The following BIRC6 variants were observed in gnomAD, a reference collection of about 807,000 sequenced individuals.
BIRC6 encodes the protein dual E2 ubiquitin-conjugating enzyme/E3 ubiquitin-protein ligase BIRC6.
A neutral mutation model predicts 503.3 loss-of-function variants in BIRC6; 98 were observed. The ratio of observed to expected loss-of-function variants is 0.19; its 90% CI spans 0.17 to 0.23. BIRC6 has a LOEUF of 0.23. Ranked by LOEUF, BIRC6 falls within the 10% of genes least tolerant of loss-of-function variation. The pLI is 1.00. For missense variants in BIRC6, 5,360 were observed against 5,806.0 expected, an observed-to-expected ratio of 0.92 and a Z score of 2.50; for synonymous variants, 2,240 against 2,078.7, an observed-to-expected ratio of 1.08 and a Z score of -2.11.
chr2:32,554,281 G>A (rs1447319294), intron 65 of BIRC6, among the ~76,000 whole-genome samples: 1 of 152,068 alleles, frequency 6.6e-6, no homozygotes, highest in African/African-American at 2.4e-5. Flanking sequence ...CTTATTATAT[G>A]GGGATGAATA....
intron 33 of BIRC6, among the ~76,000 whole-genome samples, chr2:32,475,411 G>C (rs2049633907): frequency 6.6e-6 from 1 of 152,092 alleles, no homozygotes; most frequent in Admixed American, 6.5e-5. Flanking sequence ...GTCGACTGCT[G>C]ATTGCTGTTG....
chr2:32,470,446 C>T, intron 31 of BIRC6, 145 bp downstream of exon 31: 1 of 778,184 alleles, frequency 1.3e-6, no homozygotes, highest in Non-Finnish European at 1.9e-6. Flanking sequence ...ATGAGCAACC[C>T]TCATGTGATT....
At position 32,482,591 on chromosome 2, in the gene BIRC6, A is replaced by T. The variant is rs1031286284; in HGVS notation, c.7696+9A>T. 3 of 1,613,198 alleles carry T rather than the reference A, an allele frequency of 1.9e-6. No homozygotes were observed. The highest frequency in any genetic ancestry group is 1.3e-5 in the African/African-American group (1 of 74,914). On this transcript the variant is annotated intron_variant, in intron 39 of 73. Coordinates refer to ENST00000421745, the MANE Select transcript of BIRC6 (RefSeq NM_016252.4). ...CGTTTCAGTCTCTCAGGGTAAGTGTATGTTTATATTTTAAGACATATGCTA... is the reference window on the plus strand; with the variant it reads ...CGTTTCAGTCTCTCAGGGTAAGTGTTTGTTTATATTTTAAGACATATGCTA...
intron 66 of BIRC6, among the ~76,000 whole-genome samples, chr2:32,592,136 A>G (rs1229223202): frequency 2.0e-5 from 3 of 152,218 alleles, no homozygotes; most frequent in Non-Finnish European, 4.4e-5. Context: ...TATATATGCA[A>G]AAACATATAT....
chr2:32,616,197 A>T (rs1212916535), intron 73 of BIRC6, among the ~76,000 whole-genome samples: 1 of 151,988 alleles, frequency 6.6e-6, no homozygotes, highest in East Asian at 1.9e-4. Flanking sequence ...TTAATTTTTT[A>T]AAATTCTATG....
chr2:32,549,577 A>C, intron 65 of BIRC6, 96 bp downstream of exon 65: 1 of 1,109,310 alleles, frequency 9.0e-7, no homozygotes, highest in Non-Finnish European at 1.2e-6. Context: ...TAGTTGATGG[A>C]TTTATTTCCT....
chr2:32,405,302 T>G (rs1190100782), intron 8 of BIRC6, among the ~76,000 whole-genome samples: 1 of 152,196 alleles, frequency 6.6e-6, no homozygotes, highest in Non-Finnish European at 1.5e-5. Context: ...GATTTTAAAC[T>G]TTTTTTGCAT....
intron 9 of BIRC6, among the ~76,000 whole-genome samples, chr2:32,411,386 A>T (rs988705446): frequency 6.8e-6 from 1 of 147,258 alleles, no homozygotes; most frequent in Non-Finnish European, 1.5e-5. Context: ...TCCAATCTAA[A>T]TCATTAAGGC....
At chr2:32,568,610 C>T (rs1346639850) in intron 65 of BIRC6, among the ~76,000 whole-genome samples, 3 of 151,212 alleles carry the variant, frequency 2.0e-5, no homozygotes, top group Non-Finnish European at 4.4e-5. Context: ...TTCGAGAGTT[C>T]GAGGCGGGCA....
At chr2:32,526,350 A>G (rs1486001473) in intron 59 of BIRC6, among the ~76,000 whole-genome samples, 1 of 152,146 alleles carries the variant, frequency 6.6e-6, no homozygotes, top group Non-Finnish European at 1.5e-5. Flanking sequence ...ACGATGCCCC[A>G]CATGATGCCA....
intron 19 of BIRC6, among the ~76,000 whole-genome samples, chr2:32,442,878 C>T (rs1441650257): frequency 6.6e-6 from 1 of 151,986 alleles, no homozygotes; most frequent in East Asian, 1.9e-4. Context: ...AACAGTCTGC[C>T]CTGATCCCCA....
Position 32,617,835 on chromosome 2 carries a change from GGA to G in BIRC6, c.14508_14509del (p.Glu4836AspfsTer5). 6.2e-7 allele frequency: 1 copy of G among 1,613,974 alleles called. No individual in the cohort carries two copies. Among genetic ancestry groups the G allele is most frequent in the Non-Finnish European group, 8.5e-7 (1 of 1,179,882 alleles). ...TGTGCAGAGCCACAACAGGTGCTGA[GGA>G]GACTCTAATGCATGATCAGGTTAAA... ...EVCRATTGAE[E>X]TLMHDQVKPS... On this transcript the variant is annotated frameshift_variant, in exon 74 of 74. Coordinates refer to ENST00000421745, the MANE Select transcript of BIRC6 (RefSeq NM_016252.4). LOFTEE classifies it high-confidence loss of function.
intron 15 of BIRC6, 59 bp downstream of exon 15, chr2:32,436,243 A>G (rs946277068): frequency 3.9e-6 from 5 of 1,283,308 alleles, no homozygotes; most frequent in African/African-American, 1.5e-5. Flanking sequence ...AAAAAAGACG[A>G]AAAAAAACTG....
At chr2:32,508,554 CTG>C (rs2054050610) in intron 51 of BIRC6, among the ~76,000 whole-genome samples, 1 of 151,838 alleles carries the variant, frequency 6.6e-6, no homozygotes, top group Admixed American at 6.6e-5. Context: ...GTATCATACT[CTG>C]TTTCGGGAAT....
rs1271530185 is a variant in BIRC6 at position 32,427,676 on chromosome 2, A to T, written c.2873-1470A>T. Among the ~76,000 whole-genome samples, 3 of 152,178 alleles carry T rather than the reference A, an allele frequency of 2.0e-5. No homozygotes were observed. The South Asian group carries it at 6.2e-4, about 31-fold the overall frequency. On this transcript the variant is annotated intron_variant, in intron 10 of 73. Coordinates refer to ENST00000421745, the MANE Select transcript of BIRC6 (RefSeq NM_016252.4). ...TACCCCTGGTTTCCTCTTATTCTAT[A>T]AAAATATTTACAATAGATCCTTGAA...
chr2:32,487,822 G>A (rs1463602537), intron 41 of BIRC6, 21 bp downstream of exon 41: 4 of 1,587,342 alleles, frequency 2.5e-6, no homozygotes, highest in East Asian at 2.2e-5. Flanking sequence ...AGGAGAAATG[G>A]TGTATTTTTA....
chr2:32,477,356 T>C lies in BIRC6; in HGVS notation c.6853-12T>C, dbSNP rs778202075. The C allele has an allele frequency of 8.7e-6, 14 of 1,612,160 alleles. No homozygotes were observed. On this transcript the variant is annotated splice_polypyrimidine_tract_variant and intron_variant, in intron 34 of 73. Transcript: ENST00000421745. Reference sequence around the variant, plus strand: ...AAACATTGATTTAAACACTATACATTTTTGTGTGCAGCACTTTAAGGATTT... The same window carrying C: ...AAACATTGATTTAAACACTATACATCTTTGTGTGCAGCACTTTAAGGATTT...
At chr2:32,616,571 A>C (rs1401426771) in intron 73 of BIRC6, among the ~76,000 whole-genome samples, 1 of 151,650 alleles carries the variant, frequency 6.6e-6, no homozygotes, top group East Asian at 1.9e-4. Context: ...AAAAAAAAAA[A>C]AAAAAAAAAA....
In BIRC6 at chr2:32,418,072, AC is replaced by A. The variant is rs531402342; in HGVS notation, c.2872+1912del. On this transcript the variant is annotated intron_variant, in intron 10 of 73. Transcript: ENST00000421745. ...TGGGATTATAGGCATGATCCACTGT[AC>A]CCAGTGAAATTTCTGTAATTTCTAG... Among the ~76,000 whole-genome samples, 24 of 152,326 alleles carry A rather than the reference AC, an allele frequency of 1.6e-4. No homozygotes were observed. The South Asian group carries it at 5.0e-3, about 32-fold the overall frequency.
Sources: allele counts gnomAD v4.1 joint callset (sites outside exome capture counted in the v4.1 genomes callset), GRCh38; gene constraint gnomAD v4.1.1; transcripts MANE v1.5; gene names NCBI Gene and HGNC (gene_info 2026-07-23, HGNC 2026-07-21).